SNX29: variants seen among roughly 807,000 people sequenced by gnomAD.
SNX29 encodes the protein sorting nexin-29.
A neutral mutation model predicts 102.1 loss-of-function variants in SNX29; 78 were observed. The ratio of observed to expected loss-of-function variants is 0.76; its 90% CI spans 0.64 to 0.92. The LOEUF (loss-of-function observed/expected upper bound fraction) is 0.92. SNX29 is among the 40% of genes least tolerant of loss of function. SNX29 has a pLI of 0.00. For missense variants in SNX29, 1,280 were observed against 1,061.7 expected (o/e 1.21, Z -2.86); for synonymous variants, 580 against 414.5 (o/e 1.40, Z -4.85).
At chr16:12,461,410 C>G (rs372320815) in intron 18 of SNX29, among the ~76,000 whole-genome samples, 1 of 152,180 alleles carries the variant, frequency 6.6e-6, no homozygotes, top group Non-Finnish European at 1.5e-5. Flanking sequence ...GGCTTCCTGC[C>G]TGCATGGAAT....
At chr16:12,432,241 G>T (rs4781239) in intron 18 of SNX29, among the ~76,000 whole-genome samples, 1 of 152,048 alleles carries the variant, frequency 6.6e-6, no homozygotes, top group Non-Finnish European at 1.5e-5. Context: ...CCGCATTTAC[G>T]CATTCGCCAA....
At chr16:12,557,176 G>C (rs1266709161) in intron 20 of SNX29, 2 of 152,186 alleles carry the variant, frequency 1.3e-5, no homozygotes, top group African/African-American at 4.8e-5. Flanking sequence ...TATGTTCAAG[G>C]TAGATATACT....
intron 15 of SNX29, among the ~76,000 whole-genome samples, chr16:12,284,056 C>G (rs900855644): frequency 1.3e-5 from 2 of 152,196 alleles, no homozygotes; most frequent in Admixed American, 6.5e-5. Flanking sequence ...GCTTCTTTAC[C>G]TCTTTTAAGT....
chr16:12,517,846 C>T (rs985333460), intron 19 of SNX29, among the ~76,000 whole-genome samples: 5 of 152,090 alleles, frequency 3.3e-5, no homozygotes, highest in Non-Finnish European at 7.4e-5. Context: ...CCCGAGAGGT[C>T]TCTCGGAGGT....
At chr16:12,234,646 T>C (rs1459336345) in intron 14 of SNX29, among the ~76,000 whole-genome samples, 2 of 152,240 alleles carry the variant, frequency 1.3e-5, no homozygotes, top group African/African-American at 2.4e-5. Flanking sequence ...GCAGTGTTTC[T>C]GTTAATTTTA....
chr16:12,011,356 ACCTCTG>A (rs2056648601), intron 3 of SNX29, among the ~76,000 whole-genome samples: 1 of 151,172 alleles, frequency 6.6e-6, no homozygotes, highest in Admixed American at 6.6e-5. Flanking sequence ...GCTCACTGCA[ACCTCTG>A]CCTCCCAGGT....
At chr16:12,127,403 C>T (rs1334744782) in intron 12 of SNX29, among the ~76,000 whole-genome samples, 1 of 150,774 alleles carries the variant, frequency 6.6e-6, no homozygotes, top group Non-Finnish European at 1.5e-5. Context: ...CTTTAATTAT[C>T]ACCTCCTTAG....
intron 19 of SNX29, among the ~76,000 whole-genome samples, chr16:12,512,381 T>TGA (rs2089664555): frequency 9.5e-5 from 4 of 42,190 alleles, no homozygotes; most frequent in Non-Finnish European, 1.8e-4. Flanking sequence ...TATATATATA[T>TGA]ATATATATAT....
At position 12,398,460 on chromosome 16, in the gene SNX29, G is replaced by C. The variant is rs753383932; in HGVS notation, c.1914G>C (p.Leu638Phe). The part of the protein sequence containing the change: ...IDLRGPVPGD[L>F]SQTSEDQSLS... ...CCTGATGGTAGGTGCCTGGAGATTT[G>C]AGTCAAACGTCCGAAGACCAGAGTT... The change falls in exon 17 of 21, where the codon TTG becomes TTC. Residue 638 changes from leucine to phenylalanine, a missense_variant. By Grantham distance (22) the Leu-to-Phe change is conservative. Coordinates refer to ENST00000566228, the MANE Select transcript of SNX29 (RefSeq NM_032167.5). The C allele has an allele frequency of 5.0e-6, 8 of 1,613,858 alleles. No individual in the cohort carries two copies. Among genetic ancestry groups the C allele is most frequent in the Admixed American group, 1.7e-5 (1 of 60,008 alleles).
At chr16:12,322,055 C>G (rs1179603834) in intron 15 of SNX29, among the ~76,000 whole-genome samples, 1 of 152,168 alleles carries the variant, frequency 6.6e-6, no homozygotes, top group African/African-American at 2.4e-5. Context: ...GGTCCTGTGT[C>G]TGCGTGACAC....
chr16:12,013,526 T>G (rs1344987318), intron 3 of SNX29, among the ~76,000 whole-genome samples: 1 of 114,514 alleles, frequency 8.7e-6, no homozygotes, highest in African/African-American at 3.2e-5. Flanking sequence ...TATATATATA[T>G]ATATATATAT....
At chr16:12,505,959 T>TTTCA (rs1291524813) in intron 19 of SNX29, among the ~76,000 whole-genome samples, 1 of 152,104 alleles carries the variant, frequency 6.6e-6, no homozygotes, top group Non-Finnish European at 1.5e-5. Flanking sequence ...AGGTTTCAGA[T>TTTCA]TTCATTTGTT....
At chr16:12,093,213 C>T (rs2052631623) in intron 11 of SNX29, among the ~76,000 whole-genome samples, 1 of 152,146 alleles carries the variant, frequency 6.6e-6, no homozygotes, top group African/African-American at 2.4e-5. Context: ...CTTTACACAT[C>T]CTTTAGTTTT....
intron 3 of SNX29, among the ~76,000 whole-genome samples, chr16:12,015,725 TAG>T (rs2056826883): frequency 6.9e-6 from 1 of 144,798 alleles, no homozygotes; most frequent in Admixed American, 7.0e-5. Flanking sequence ...TTAGTAGAGA[TAG>T]GGTTTCACCG....
chr16:12,354,072 T>C (rs1422774724), intron 15 of SNX29, among the ~76,000 whole-genome samples: 1 of 152,240 alleles, frequency 6.6e-6, no homozygotes, highest in Non-Finnish European at 1.5e-5. Context: ...CTCTTTGTGA[T>C]CTCACATTCT....
At chr16:12,170,759 T>A (rs1674162910) in intron 13 of SNX29, among the ~76,000 whole-genome samples, 1 of 125,240 alleles carries the variant, frequency 8.0e-6, no homozygotes, top group Non-Finnish European at 1.5e-5. Flanking sequence ...TGTGTGTGTG[T>A]GAGAGGAGTG....
chr16:12,449,826 G>T (rs2086224779), intron 18 of SNX29, among the ~76,000 whole-genome samples: 1 of 152,152 alleles, frequency 6.6e-6, no homozygotes, highest in Admixed American at 6.5e-5. Flanking sequence ...ACAGATGGTG[G>T]TGACAGGGGC....
intron 14 of SNX29, among the ~76,000 whole-genome samples, chr16:12,237,113 T>C (rs1302420607): frequency 6.6e-6 from 1 of 152,100 alleles, no homozygotes; most frequent in Non-Finnish European, 1.5e-5. Context: ...CAGTTGTACC[T>C]GGGGGCAGGC....
chr16:12,395,682 G>T (rs1020334096), intron 16 of SNX29, among the ~76,000 whole-genome samples: 3 of 152,192 alleles, frequency 2.0e-5, no homozygotes, highest in East Asian at 3.8e-4. Flanking sequence ...GCATCCCAGG[G>T]ATGTGTTCTC....
Sources: allele counts gnomAD v4.1 joint callset (sites outside exome capture counted in the v4.1 genomes callset), GRCh38; gene constraint gnomAD v4.1.1; transcripts MANE v1.5; gene names NCBI Gene and HGNC (gene_info 2026-07-23, HGNC 2026-07-21).